Variants in FMN2 observed in about 807,000 individuals in gnomAD.
FMN2 encodes the protein formin-2.
In FMN2, 51 loss-of-function variants were observed where a neutral mutation model predicts 142.3. The ratio of observed to expected loss-of-function variants is 0.36; its 90% CI spans 0.29 to 0.45. FMN2 has a LOEUF of 0.45. Ranked by LOEUF, FMN2 falls within the 20% of genes least tolerant of loss-of-function variation. FMN2 has a pLI of 1.00. For missense variants in FMN2, 1,936 were observed against 2,122.8 expected, an observed-to-expected ratio of 0.91 and a Z score of 1.73; for synonymous variants, 882 against 869.8, an observed-to-expected ratio of 1.01 and a Z score of -0.25.
chr1:240,278,855 C>T (rs1053897798), intron 7 of FMN2, among the ~76,000 whole-genome samples: 1 of 152,034 alleles, frequency 6.6e-6, no homozygotes, highest in African/African-American at 2.4e-5. Flanking sequence ...ATAGGAGCAG[C>T]CAAGGAAAAG....
At chr1:240,292,382 T>C (rs1283371399) in intron 7 of FMN2, among the ~76,000 whole-genome samples, 15 of 152,224 alleles carry the variant, frequency 9.9e-5, no homozygotes, top group Admixed American at 9.8e-4. Context: ...ACTCTGATCA[T>C]GGTATTCTCT....
At chr1:240,423,672 G>A (rs773257244) in intron 15 of FMN2, among the ~76,000 whole-genome samples, 12 of 152,220 alleles carry the variant, frequency 7.9e-5, no homozygotes, top group Non-Finnish European at 1.5e-4. Flanking sequence ...AGAGAGAAAG[G>A]CAGAGACCCC....
chr1:240,241,350 C>G (rs1240948857), intron 6 of FMN2, among the ~76,000 whole-genome samples: 2 of 151,206 alleles, frequency 1.3e-5, no homozygotes, highest in African/African-American at 4.9e-5. Context: ...TAAACTTATC[C>G]CTTTAAAGAA....
At chr1:240,241,825 CTTTTTTTTTTT>C (rs71567282) in intron 6 of FMN2, among the ~76,000 whole-genome samples, 1 of 96,200 alleles carries the variant, frequency 1.0e-5, no homozygotes, top group African/African-American at 3.8e-5. Context: ...GTGTGCCTTG[CTTTTTTTTTTT>C]TTTTTTTTTT....
chr1:240,134,451 C>G (rs1662857565), intron 2 of FMN2, among the ~76,000 whole-genome samples: 1 of 152,014 alleles, frequency 6.6e-6, no homozygotes, highest in Non-Finnish European at 1.5e-5. Context: ...TAGGGAGACT[C>G]TGTCTTTACA....
At chr1:240,271,628 A>G (rs1669021131) in intron 7 of FMN2, among the ~76,000 whole-genome samples, 1 of 152,042 alleles carries the variant, frequency 6.6e-6, no homozygotes, top group African/African-American at 2.4e-5. Context: ...ATGTAAAGTC[A>G]TTGAGAATTA....
intron 3 of FMN2, chr1:240,180,281 T>A: frequency 2.8e-6 from 2 of 703,608 alleles, no homozygotes; most frequent in Non-Finnish European, 4.1e-6. Context: ...AATGGGTCTT[T>A]CTAAACTTCT....
At chr1:240,167,162 A>T (rs1664515213) in intron 2 of FMN2, among the ~76,000 whole-genome samples, 2 of 152,180 alleles carry the variant, frequency 1.3e-5, no homozygotes, top group Admixed American at 1.3e-4. Flanking sequence ...ACCAAAAGGG[A>T]TAGGTTTTTA....
At chr1:240,143,196 C>T in intron 2 of FMN2, 1 of 1,590,546 alleles carries the variant, frequency 6.3e-7, no homozygotes, top group Non-Finnish European at 8.6e-7. Context: ...GGTACCACTG[C>T]CCACCATGCC....
intron 6 of FMN2, among the ~76,000 whole-genome samples, chr1:240,237,459 T>G (rs1667749226): frequency 6.6e-6 from 1 of 152,236 alleles, no homozygotes; most frequent in Non-Finnish European, 1.5e-5. Flanking sequence ...GAACTGCTGT[T>G]ATGCATTTTG....
intron 7 of FMN2, among the ~76,000 whole-genome samples, chr1:240,293,525 G>A (rs1488625349): frequency 6.6e-6 from 1 of 152,028 alleles, no homozygotes; most frequent in Non-Finnish European, 1.5e-5. Flanking sequence ...TATTATCACA[G>A]CAAAATTATT....
At chr1:240,161,862 C>A (rs888992200) in intron 2 of FMN2, among the ~76,000 whole-genome samples, 1 of 152,026 alleles carries the variant, frequency 6.6e-6, no homozygotes, top group Admixed American at 6.6e-5. Flanking sequence ...AATAACAAAC[C>A]TTCTGGAAGA....
chr1:240,309,729 A>T (rs1204962452), intron 8 of FMN2, among the ~76,000 whole-genome samples: 1 of 151,674 alleles, frequency 6.6e-6, no homozygotes, highest in Non-Finnish European at 1.5e-5. Context: ...GCATAACCTC[A>T]TATTCACTGT....
At chr1:240,389,077 GTCTAC>G (rs1300866916) in intron 14 of FMN2, among the ~76,000 whole-genome samples, 1 of 152,096 alleles carries the variant, frequency 6.6e-6, no homozygotes, top group Non-Finnish European at 1.5e-5. Context: ...GAAATGAGGT[GTCTAC>G]TCTAAAGAGT....
chr1:240,149,858 TAGAG>T (rs1558322382), intron 2 of FMN2, among the ~76,000 whole-genome samples: 1 of 152,184 alleles, frequency 6.6e-6, no homozygotes, highest in African/African-American at 2.4e-5. Context: ...TTTTTGAAAT[TAGAG>T]AGTAGCGAAA....
intron 14 of FMN2, among the ~76,000 whole-genome samples, chr1:240,367,245 G>A (rs535551870): frequency 6.6e-6 from 1 of 152,212 alleles, no homozygotes; most frequent in East Asian, 1.9e-4. Context: ...GCCATTGTGA[G>A]TCTTTTGGCT....
chr1:240,352,080 A>T (rs187198348), intron 13 of FMN2, among the ~76,000 whole-genome samples: 5 of 151,766 alleles, frequency 3.3e-5, no homozygotes, highest in Admixed American at 1.3e-4. Context: ...GAGAGATTAG[A>T]TTTTTTTTTC....
chr1:240,225,537 T>C (rs1572088662), intron 6 of FMN2, among the ~76,000 whole-genome samples: 1 of 152,094 alleles, frequency 6.6e-6, no homozygotes, highest in Non-Finnish European at 1.5e-5. Flanking sequence ...AGTAACCAAG[T>C]AAATAAATAG....
At chr1:240,266,334 C>T (rs2102911626) in intron 7 of FMN2, among the ~76,000 whole-genome samples, 1 of 152,094 alleles carries the variant, frequency 6.6e-6, no homozygotes, top group African/African-American at 2.4e-5. Flanking sequence ...GGGTAGCCAC[C>T]TAGCACCATT....
Sources: gnomAD v4.1 joint callset for allele counts (sites outside exome capture counted in the v4.1 genomes callset) on GRCh38, gnomAD v4.1.1 for gene constraint, MANE v1.5 for transcripts, NCBI Gene and HGNC (gene_info 2026-07-23, HGNC 2026-07-21) for gene names.